Variants in C4orf46 observed in about 807,000 individuals in gnomAD.
C4orf46 encodes chromosome 4 open reading frame 46, also known as renal cancer differentiation gene 1 protein.
In C4orf46, 8 loss-of-function variants were observed where a neutral mutation model predicts 9.1. The observed-to-expected ratio is 0.88, with a 90% confidence interval of 0.52 to 1.59. The LOEUF (loss-of-function observed/expected upper bound fraction) is 1.59. C4orf46 is among the 40% of genes most tolerant of loss of function. C4orf46 has a pLI of 0.00. For synonymous variants in C4orf46, 51 were observed against 58.8 expected, an observed-to-expected ratio of 0.87 and a Z score of 0.61; for missense variants, 151 against 139.1, an observed-to-expected ratio of 1.09 and a Z score of -0.43.
intron 1 of C4orf46, among the ~76,000 whole-genome samples, chr4:158,671,413 C>G (rs2150299504): frequency 6.6e-6 from 1 of 152,324 alleles, no homozygotes; most frequent in South Asian, 2.1e-4. Flanking sequence ...ACCACTAAAT[C>G]TAAAGGGGGA....
chr4:158,671,231 C>T (rs139271533), intron 1 of C4orf46, among the ~76,000 whole-genome samples: 3 of 151,934 alleles, frequency 2.0e-5, no homozygotes, highest in Non-Finnish European at 3.0e-5. Flanking sequence ...TCTCCGAAAC[C>T]CATGCAATGA....
intron 1 of C4orf46, among the ~76,000 whole-genome samples, chr4:158,670,934 T>C (rs1773517870): frequency 6.6e-6 from 1 of 152,182 alleles, no homozygotes; most frequent in Non-Finnish European, 1.5e-5. Context: ...GGTGGGGTGC[T>C]AGTTTCTGGG....
At chr4:158,671,464 C>T in intron 1 of C4orf46, 152 bp downstream of exon 1, 2 of 758,034 alleles carry the variant, frequency 2.6e-6, no homozygotes, top group East Asian at 3.3e-5. Flanking sequence ...TGGCATCCCC[C>T]CCGCTTCCCG....
At position 158,669,696 on chromosome 4, in the gene C4orf46, T is replaced by A. The variant is rs1773466664; in HGVS notation, c.259A>T (p.Lys87Ter). 6.2e-7 allele frequency: 1 copy of A among 1,613,896 alleles called. No individual in the cohort carries two copies. Among genetic ancestry groups the A allele is most frequent in the Non-Finnish European group, 8.5e-7 (1 of 1,179,872 alleles). ...VSAQVEELAFKCTENARFLKT... is the reference protein window; with the variant it reads ...VSAQVEELAF ...AGGAAACGTGCATTTTCTGTACATT[T>A]GAAGGCAAGTTCTTCCACTTGAGCT... is the stretch of plus-strand genomic sequence containing the variant. The change falls in exon 2 of 2, where the codon AAA becomes TAA. Residue 87 changes from lysine to a stop codon, truncating the protein, a stop_gained. Transcript: ENST00000379205. LOFTEE classifies it high-confidence loss of function.
In C4orf46 at chr4:158,671,767, G is replaced by A. The variant is rs1773561193; in HGVS notation, c.35C>T (p.Pro12Leu). 1 of 1,557,514 alleles carries A rather than the reference G, an allele frequency of 6.4e-7. No individual in the cohort carries two copies. Among genetic ancestry groups the A allele is most frequent in the Non-Finnish European group, 8.7e-7 (1 of 1,150,984 alleles). The change falls in exon 1 of 2, where the codon CCG becomes CTG. Residue 12 changes from proline (P) to leucine (L), a missense_variant. By Grantham distance (98) the Pro-to-Leu change is moderately conservative. Transcript: ENST00000379205. ...GGGAGAAGAGGGAGGCGGCGGGGGC[G>A]GCGAAGAAACCTGCAACTCCTCAGG... ...ADPEELQVSS[P>L]PPPPPSSPSS...
intron 1 of C4orf46, 137 bp from the exon 2 acceptor site, chr4:158,669,905 C>T: frequency 1.5e-6 from 1 of 680,212 alleles, no homozygotes; most frequent in Non-Finnish European, 2.5e-6. Context: ...CAAACTACAG[C>T]ACTGGCTCTT....
At position 158,666,922 on chromosome 4, in the gene C4orf46, G is replaced by GAA. The variant is rs1296038730; in HGVS notation, c.*2690_*2691insTT. The GAA allele has an allele frequency of 1.3e-5, 2 of 152,178 alleles. No individual in the cohort carries two copies. The allele number at this position is 152,178 out of a possible 1,614,324, so 9.4% of individuals were successfully genotyped here. A position where few individuals can be genotyped will look rare whatever the true frequency, so the allele number is the denominator to read the frequency against. On this transcript the variant is annotated 3_prime_UTR_variant, in exon 2 of 2. Coordinates refer to ENST00000379205, the MANE Select transcript of C4orf46 (RefSeq NM_001008393.4). ...AGTTTCTTGTTTGTAGATTCCTCTG[G>GAA]TGCTGTCTCAGCTGATTAGAGCCAT...
At position 158,671,621 on chromosome 4, in the gene C4orf46, C is replaced by T; in HGVS notation, c.181G>A (p.Gly61Arg). 11 of 1,558,438 alleles carry T rather than the reference C, an allele frequency of 7.1e-6. No individual in the cohort carries two copies. The highest frequency in any genetic ancestry group is 9.6e-6 in the Non-Finnish European group (11 of 1,148,824). The change falls in exon 1 of 2, where the codon GGA becomes AGA. Residue 61 changes from glycine to arginine, a missense_variant. Gly to Arg is a moderately radical substitution (Grantham distance 125, BLOSUM62 -2). Coordinates refer to ENST00000379205, the MANE Select transcript of C4orf46 (RefSeq NM_001008393.4). ...GGTCCCGACACCACACTCACGTCTC[C>T]GATCTGCAGCTCCACTTCCTCCAGC... The part of the protein sequence containing the change: ...DQLEEVELQI[G>R]DAAFSLTKLL...
In C4orf46 at chr4:158,671,734, G is replaced by C. The variant is rs1773558778; in HGVS notation, c.68C>G (p.Ser23Ter). ...PPPPPSSPSS[S>*]DASAASSPGG... ...CGGGGAAGATGCTGCAGAGGCGTCT[G>C]AAGAGGAGGGAGAAGAGGGAGGCGG... is the stretch of plus-strand genomic sequence containing the variant. Residue 23 changes from serine (S) to a stop codon, truncating the protein, a stop_gained, in exon 1 of 2, where the codon TCA becomes TGA. Transcript: ENST00000379205. LOFTEE classifies it high-confidence loss of function. The C allele has an allele frequency of 6.3e-7, 1 of 1,591,578 alleles. No individual in the cohort carries two copies. The highest frequency in any genetic ancestry group is 1.3e-5 in the African/African-American group (1 of 74,564).
chr4:158,671,191 A>T (rs1332965815), intron 1 of C4orf46, among the ~76,000 whole-genome samples: 3 of 152,222 alleles, frequency 2.0e-5, no homozygotes, highest in African/African-American at 4.8e-5. Flanking sequence ...TACCCACAGA[A>T]AGCCAGCAAA....
At position 158,669,393 on chromosome 4, in the gene C4orf46, A is replaced by G; in HGVS notation, c.*220T>C. ...TTCATAAAGGATTCTATGAAAGTTCAGAGGCATAAAGTATTTAAGGACAAA... is the reference window on the plus strand; with the variant it reads ...TTCATAAAGGATTCTATGAAAGTTCGGAGGCATAAAGTATTTAAGGACAAA... On this transcript the variant is annotated 3_prime_UTR_variant, in exon 2 of 2. Coordinates refer to ENST00000379205, the MANE Select transcript of C4orf46 (RefSeq NM_001008393.4). 2.4e-6 allele frequency: 1 copy of G among 415,266 alleles called. No homozygotes were observed. The highest frequency in any genetic ancestry group is 3.8e-5 in the East Asian group (1 of 26,238). 25.7% of individuals were successfully genotyped at this position (415,266 alleles called of 1,614,324 possible). A position where few individuals can be genotyped will look rare whatever the true frequency, so the allele number is the denominator to read the frequency against.
chr4:158,671,527 G>A (rs1580385088), intron 1 of C4orf46, 89 bp downstream of exon 1: 1 of 1,327,754 alleles, frequency 7.5e-7, no homozygotes, highest in Non-Finnish European at 1.0e-6. Context: ...ATGGGGGTTG[G>A]GGGACCGATT....
In C4orf46 at chr4:158,671,815, G is replaced by A. The variant is rs776327084; in HGVS notation, c.-14C>T. 5.4e-6 allele frequency: 8 copies of A among 1,493,616 alleles called. No individual in the cohort carries two copies. Among genetic ancestry groups the A allele is most frequent in the Middle Eastern group, 2.2e-4 (1 of 4,488 alleles). 92.5% of individuals were successfully genotyped at this position (1,493,616 alleles called of 1,614,324 possible). ...AGGGTCGGCCATGGGGAAGGGTTGGGACCGCGGAATCCGACCCGAGAAGCC... is the reference window on the plus strand; with the variant it reads ...AGGGTCGGCCATGGGGAAGGGTTGGAACCGCGGAATCCGACCCGAGAAGCC... On this transcript the variant is annotated 5_prime_UTR_variant, in exon 1 of 2. Coordinates refer to ENST00000379205, the MANE Select transcript of C4orf46 (RefSeq NM_001008393.4).
Position 158,671,615 on chromosome 4 carries a change from C to T in C4orf46, c.186+1G>A, listed in dbSNP as rs925623672. ...GGACGCGGTCCCGACACCACACTCA[C>T]GTCTCCGATCTGCAGCTCCACTTCC... On this transcript the variant is annotated splice_donor_variant, in intron 1 of 1. Coordinates refer to ENST00000379205, the MANE Select transcript of C4orf46 (RefSeq NM_001008393.4). LOFTEE classifies it high-confidence loss of function. 9.7e-6 allele frequency: 15 copies of T among 1,547,602 alleles called. No homozygotes were observed. The highest frequency in any genetic ancestry group is 1.3e-5 in the Non-Finnish European group (15 of 1,143,146).
chr4:158,671,873 G>T lies in C4orf46; in HGVS notation c.-72C>A. The T allele has an allele frequency of 7.7e-7, 1 of 1,300,818 alleles. No individual in the cohort carries two copies. Among genetic ancestry groups the T allele is most frequent in the Non-Finnish European group, 1.0e-6 (1 of 976,924 alleles). The allele number at this position is 1,300,818 out of a possible 1,614,324, so 80.6% of individuals were successfully genotyped here. A position where few individuals can be genotyped will look rare whatever the true frequency, so the allele number is the denominator to read the frequency against. On this transcript the variant is annotated 5_prime_UTR_variant, in exon 1 of 2. Transcript: ENST00000379205. ...CACCAACTGTCTTTTAACCACTCGC[G>T]CCCAAAGCCGAAAGGCCCCGCCTCC...
Position 158,668,492 on chromosome 4 carries a change from G to A in C4orf46, c.*1121C>T, listed in dbSNP as rs1437244436. The A allele has an allele frequency of 5.2e-5, 8 of 152,530 alleles. No homozygotes were observed. Among genetic ancestry groups the A allele is most frequent in the African/African-American group, 1.9e-4 (8 of 41,462 alleles). 9.4% of individuals were successfully genotyped at this position (152,530 alleles called of 1,614,324 possible). On this transcript the variant is annotated 3_prime_UTR_variant, in exon 2 of 2. Transcript: ENST00000379205. ...CTCCATATCTACAAAGAATTAAGAT[G>A]TTGTATCAAAAATGTCCAGAAGTTA...
In C4orf46 at chr4:158,668,046, C is replaced by A. The variant is rs1187945518; in HGVS notation, c.*1567G>T. The A allele has an allele frequency of 6.6e-6, 1 of 152,122 alleles. No individual in the cohort carries two copies. Among genetic ancestry groups the A allele is most frequent in the Non-Finnish European group, 1.5e-5 (1 of 68,028 alleles). The allele number at this position is 152,122 out of a possible 1,614,324, so 9.4% of individuals were successfully genotyped here. On this transcript the variant is annotated 3_prime_UTR_variant, in exon 2 of 2. Transcript: ENST00000379205. Reference sequence around the variant, plus strand: ...AAACTTCAAATGTATCTAACATTTGCAATTACATGCATATGTGTGTCTGAA... The same window carrying A: ...AAACTTCAAATGTATCTAACATTTGAAATTACATGCATATGTGTGTCTGAA...
chr4:158,669,384 T>C lies in C4orf46; in HGVS notation c.*229A>G, dbSNP rs1703315050. 1 of 389,632 alleles carries C rather than the reference T, an allele frequency of 2.6e-6. No individual in the cohort carries two copies. Among genetic ancestry groups the C allele is most frequent in the Admixed American group, 4.3e-5 (1 of 23,316 alleles). The allele number at this position is 389,632 out of a possible 1,614,324, so 24.1% of individuals were successfully genotyped here. The stretch of plus-strand genomic sequence containing the variant: ...AAGTTAACTTTCATAAAGGATTCTA[T>C]GAAAGTTCAGAGGCATAAAGTATTT... On this transcript the variant is annotated 3_prime_UTR_variant, in exon 2 of 2. Coordinates refer to ENST00000379205, the MANE Select transcript of C4orf46 (RefSeq NM_001008393.4).
intron 1 of C4orf46, among the ~76,000 whole-genome samples, chr4:158,671,210 GTGAAAACTATTCTCCGAAACCCATGCAA>G (rs535284208): frequency 1.2e-3 from 187 of 152,344 alleles, no homozygotes; most frequent in Non-Finnish European, 1.9e-3. Flanking sequence ...AACTCATGCA[GTGAAAACTATTCTCCGAAACCCATGCAA>G]TGAAAACTAT....
Sources: gnomAD v4.1 joint callset for allele counts (sites outside exome capture counted in the v4.1 genomes callset) on GRCh38, gnomAD v4.1.1 for gene constraint, MANE v1.5 for transcripts, NCBI Gene and HGNC (gene_info 2026-07-23, HGNC 2026-07-21) for gene names.